Variants in CUTC observed in about 807,000 individuals in gnomAD.
CUTC encodes the protein copper homeostasis protein cutC homolog.
In CUTC, 27 loss-of-function variants were observed where a neutral mutation model predicts 36.2. The observed-to-expected ratio is 0.75, with a 90% CI of 0.55 to 1.03. The LOEUF (loss-of-function observed/expected upper bound fraction) is 1.03, where lower values mean the gene tolerates loss of function less well. Ranked by LOEUF, CUTC falls within the 50% of genes least tolerant of loss-of-function variation. The probability of loss-of-function intolerance (pLI) is 0.00; values close to 1 mark genes in which losing one functional copy is unlikely to be tolerated. For missense variants in CUTC, 315 were observed against 343.5 expected (o/e 0.92, Z 0.66); for synonymous variants, 114 against 118.3 (o/e 0.96, Z 0.24).
At chr10:99,743,091 C>G in intron 3 of CUTC, 62 bp from the exon 4 acceptor site, 1 of 1,505,486 alleles carries the variant, frequency 6.6e-7, no homozygotes, top group Non-Finnish European at 9.2e-7. Context: ...GGTAAATGAC[C>G]AATAATATAT....
intron 1 of CUTC, among the ~76,000 whole-genome samples, chr10:99,734,346 C>T (rs1407560496): frequency 6.6e-6 from 1 of 152,128 alleles, no homozygotes; most frequent in Non-Finnish European, 1.5e-5. Context: ...GGATTACAGG[C>T]GTGAGCCACC....
chr10:99,743,761 G>A (rs1412495360), intron 4 of CUTC, among the ~76,000 whole-genome samples: 5 of 152,192 alleles, frequency 3.3e-5, no homozygotes, highest in African/African-American at 1.2e-4. Flanking sequence ...TGACCTCAGA[G>A]GGACAAGTAT....
chr10:99,744,823 G>A (rs2037366954), intron 5 of CUTC, among the ~76,000 whole-genome samples: 2 of 152,144 alleles, frequency 1.3e-5, no homozygotes, highest in Admixed American at 6.5e-5. Context: ...CGCACGATCC[G>A]GCTCACTACA....
At chr10:99,740,395 A>G (rs975124974) in intron 3 of CUTC, among the ~76,000 whole-genome samples, 1 of 150,664 alleles carries the variant, frequency 6.6e-6, no homozygotes, top group Non-Finnish European at 1.5e-5. Flanking sequence ...TTCATTTTTG[A>G]AAGGTATTTT....
chr10:99,754,983 G>A (rs2037444153), intron 8 of CUTC, among the ~76,000 whole-genome samples: 1 of 17,296 alleles, frequency 5.8e-5, no homozygotes, highest in South Asian at 3.3e-3. Flanking sequence ...ATGGTGTAAG[G>A]ATGGAAGAGT....
intron 8 of CUTC, among the ~76,000 whole-genome samples, chr10:99,755,137 A>G (rs1365735622): frequency 6.6e-6 from 1 of 152,176 alleles, no homozygotes. Context: ...GACTCTTACA[A>G]TTTAATAGTA....
chr10:99,750,479 G>A (rs1466900213), intron 7 of CUTC, 83 bp downstream of exon 7: 1 of 1,012,610 alleles, frequency 9.9e-7, no homozygotes, highest in Non-Finnish European at 1.5e-6. Context: ...ATGTGAGAGA[G>A]AGTATTAGTA....
At chr10:99,736,402 T>A in intron 2 of CUTC, 85 bp downstream of exon 2, 1 of 989,644 alleles carries the variant, frequency 1.0e-6, no homozygotes, top group Non-Finnish European at 1.6e-6. Context: ...TCAGAAGCCC[T>A]TGTGATCTCT....
chr10:99,750,472 T>TGA, intron 7 of CUTC, 76 bp downstream of exon 7: 1 of 1,096,930 alleles, frequency 9.1e-7, no homozygotes, highest in Non-Finnish European at 1.3e-6. Flanking sequence ...CAGGAAAATG[T>TGA]GAGAGAGAGT....
At chr10:99,746,875 G>T (rs2037381188) in intron 5 of CUTC, among the ~76,000 whole-genome samples, 1 of 152,192 alleles carries the variant, frequency 6.6e-6, no homozygotes, top group South Asian at 2.1e-4. Flanking sequence ...AGGCTCAGGT[G>T]ATCCTCCCAT....
intron 3 of CUTC, among the ~76,000 whole-genome samples, chr10:99,741,706 A>G (rs1273497162): frequency 1.3e-5 from 2 of 152,110 alleles, no homozygotes; most frequent in Admixed American, 1.3e-4. Flanking sequence ...CTAGGATTAC[A>G]GGCATATGCC....
At chr10:99,744,894 A>C (rs2133672994) in intron 5 of CUTC, among the ~76,000 whole-genome samples, 1 of 152,278 alleles carries the variant, frequency 6.6e-6, no homozygotes, top group South Asian at 2.1e-4. Context: ...CTGGGATTAC[A>C]GGCGCCTGCC....
In CUTC at chr10:99,736,444, C is replaced by T. The variant is rs1020285557; in HGVS notation, c.133+127C>T. On this transcript the variant is annotated intron_variant, in intron 2 of 8. Coordinates refer to ENST00000370476, the MANE Select transcript of CUTC (RefSeq NM_015960.3). ...CCCTCATAATGCTTTCAGAAACAAC[C>T]AATTAGAAACCCTACTGGAAAATTA... is the stretch of plus-strand genomic sequence containing the variant. 8 of 650,426 alleles carry T rather than the reference C, an allele frequency of 1.2e-5. No individual in the cohort carries two copies. The South Asian group carries it at 1.6e-4, about 13-fold the overall frequency. 40.3% of individuals were successfully genotyped at this position (650,426 alleles called of 1,614,324 possible).
chr10:99,751,804 G>C lies in CUTC; in HGVS notation c.601+1408G>C, dbSNP rs187692349. Among the ~76,000 whole-genome samples, 19 of 152,324 alleles carry C rather than the reference G, an allele frequency of 1.2e-4. No homozygotes were observed. The East Asian group carries it at 3.7e-3, about 29-fold the overall frequency. On this transcript the variant is annotated intron_variant, in intron 7 of 8. Transcript: ENST00000370476. ...ACCAAGGAGGCGGAGGTTGCAGTGT[G>C]CTGAGATTGCACCACTGCACTCCAG...
At chr10:99,736,882 A>T (rs1353507595) in intron 2 of CUTC, among the ~76,000 whole-genome samples, 1 of 152,156 alleles carries the variant, frequency 6.6e-6, no homozygotes, top group Non-Finnish European at 1.5e-5. Flanking sequence ...GGGTCAATAA[A>T]CTTTTTCTGT....
chr10:99,737,185 A>G (rs1367296725), intron 2 of CUTC, among the ~76,000 whole-genome samples: 1 of 151,836 alleles, frequency 6.6e-6, no homozygotes, highest in African/African-American at 2.4e-5. Flanking sequence ...TGGGAGGATC[A>G]CTTGAGTCCA....
At chr10:99,740,400 T>C (rs2037333086) in intron 3 of CUTC, among the ~76,000 whole-genome samples, 1 of 149,460 alleles carries the variant, frequency 6.7e-6, no homozygotes, top group Non-Finnish European at 1.5e-5. Context: ...TTTTGAAAGG[T>C]ATTTTTGCTG....
chr10:99,732,707 C>T lies in CUTC; in HGVS notation c.61+298C>T, dbSNP rs964918874. ...CAGCTTCACGTTTTTTCCGTCGCCACACGAGGATGCCAGTACCGCCCGCAC... is the reference window on the plus strand; with the variant it reads ...CAGCTTCACGTTTTTTCCGTCGCCATACGAGGATGCCAGTACCGCCCGCAC... On this transcript the variant is annotated intron_variant, in intron 1 of 8. Transcript: ENST00000370476. 3.8e-5 allele frequency: 43 copies of T among 1,133,240 alleles called. No individual in the cohort carries two copies. In the African/African-American group the frequency reaches 6.6e-4, roughly 17 times the overall value. 70.2% of individuals were successfully genotyped at this position (1,133,240 alleles called of 1,614,324 possible). A position where few individuals can be genotyped will look rare whatever the true frequency, so the allele number is the denominator to read the frequency against.
intron 1 of CUTC, among the ~76,000 whole-genome samples, chr10:99,733,056 A>C (rs928548061): frequency 1.3e-5 from 2 of 152,156 alleles, no homozygotes; most frequent in South Asian, 2.1e-4. Context: ...AATTAAAACA[A>C]ATTTTTTTTT....
Sources: allele counts gnomAD v4.1 joint callset (sites outside exome capture counted in the v4.1 genomes callset), GRCh38; gene constraint gnomAD v4.1.1; transcripts MANE v1.5; gene names NCBI Gene and HGNC (gene_info 2026-07-23, HGNC 2026-07-21).